The following ARID5B variants were observed in gnomAD, a reference collection of about 807,000 sequenced individuals.
The protein encoded by ARID5B is AT-rich interaction domain 5B.
A neutral mutation model predicts 97.2 loss-of-function variants in ARID5B; 13 were observed. That is an observed-to-expected ratio of 0.13 (90% CI 0.09 to 0.21). The LOEUF is 0.21. Ranked by LOEUF, ARID5B falls within the 10% of genes least tolerant of loss-of-function variation. The probability of loss-of-function intolerance (pLI) is 1.00; values close to 1 mark genes in which losing one functional copy is unlikely to be tolerated. For synonymous variants in ARID5B, 556 were observed against 570.3 expected, an observed-to-expected ratio of 0.97 and a Z score of 0.36; for missense variants, 1,210 against 1,465.3, an observed-to-expected ratio of 0.83 and a Z score of 2.84.
At chr10:62,090,074 G>A (rs1324555045) in intron 9 of ARID5B, among the ~76,000 whole-genome samples, 1 of 152,220 alleles carries the variant, frequency 6.6e-6, no homozygotes, top group Non-Finnish European at 1.5e-5. Context: ...GGTCACATAA[G>A]GAGTGTGTCT....
At chr10:62,068,212 T>A (rs575036964) in intron 7 of ARID5B, among the ~76,000 whole-genome samples, 1 of 152,340 alleles carries the variant, frequency 6.6e-6, no homozygotes, top group African/African-American at 2.4e-5. Flanking sequence ...TTGAAACCAT[T>A]TCTTGTAATC....
intron 4 of ARID5B, among the ~76,000 whole-genome samples, chr10:62,017,896 T>C (rs1839304083): frequency 6.6e-6 from 1 of 152,218 alleles, no homozygotes; most frequent in African/African-American, 2.4e-5. Context: ...AGTGGGCTAT[T>C]TAGAGAAAGT....
intron 3 of ARID5B, among the ~76,000 whole-genome samples, chr10:61,960,728 C>T (rs1182706416): frequency 6.6e-6 from 1 of 152,096 alleles, no homozygotes; most frequent in Non-Finnish European, 1.5e-5. Context: ...ATGAGGGCCC[C>T]CTTCTTTTAA....
intron 4 of ARID5B, among the ~76,000 whole-genome samples, chr10:62,027,157 G>A (rs931352761): frequency 2.0e-5 from 3 of 151,710 alleles, no homozygotes; most frequent in Non-Finnish European, 2.9e-5. Context: ...ATCTCTCCTA[G>A]TCCTTCCTAT....
intron 2 of ARID5B, among the ~76,000 whole-genome samples, chr10:61,938,374 C>T (rs1478309201): frequency 1.3e-5 from 2 of 152,076 alleles, no homozygotes; most frequent in African/African-American, 4.8e-5. Context: ...CAAAATGTTG[C>T]CAAATTCTCT....
At chr10:62,014,329 A>G (rs147997528) in intron 4 of ARID5B, among the ~76,000 whole-genome samples, 97 of 152,330 alleles carry the variant, frequency 6.4e-4, no homozygotes, top group African/African-American at 2.2e-3. Flanking sequence ...GGAAGTTGAC[A>G]AAGTAATTGT....
At chr10:62,060,682 T>C (rs1839910765) in intron 7 of ARID5B, among the ~76,000 whole-genome samples, 2 of 152,210 alleles carry the variant, frequency 1.3e-5, no homozygotes, top group South Asian at 4.1e-4. Context: ...GTTAGTCTCA[T>C]AAACGTAGAA....
chr10:61,993,237 T>C (rs975867523), intron 3 of ARID5B, among the ~76,000 whole-genome samples: 1 of 152,128 alleles, frequency 6.6e-6, no homozygotes, highest in African/African-American at 2.4e-5. Flanking sequence ...GTACTAACTT[T>C]GGGTACTAAG....
At chr10:62,083,947 T>G (rs1840249212) in intron 8 of ARID5B, among the ~76,000 whole-genome samples, 2 of 152,222 alleles carry the variant, frequency 1.3e-5, no homozygotes, top group South Asian at 4.1e-4. Flanking sequence ...TGCTTTTTAT[T>G]ATATAAACAT....
Position 62,050,984 on chromosome 10 carries a change from G to A in ARID5B, c.830G>A (p.Gly277Asp), listed in dbSNP as rs760053508. Reference sequence around the variant, plus strand: ...AAGGATTCCAACAACAATTCCGATGGCAAAGCCGTTGCCAAGGTACGGTCA... The same window carrying A: ...AAGGATTCCAACAACAATTCCGATGACAAAGCCGTTGCCAAGGTACGGTCA... The part of the protein sequence containing the change: ...GVKDSNNNSD[G>D]KAVAKVKCEA... Residue 277 changes from glycine (G) to aspartate (D), a missense_variant, in exon 5 of 10, where the codon GGC (glycine) becomes GAC (aspartate). This residue lies in a region of ARID5B where 132 missense variants were observed against 156.7 expected (regional missense o/e 0.84). Transcript: ENST00000279873. The A allele has an allele frequency of 3.1e-6, 5 of 1,613,814 alleles. No individual in the cohort carries two copies. The African/African-American group carries it at 5.3e-5, about 17-fold the overall frequency.
rs2132986446 is a variant in ARID5B at position 62,091,956 on chromosome 10, C to T, written c.2493C>T (p.Phe831=). Residue 831 remains phenylalanine, a synonymous_variant, in exon 10 of 10, where the codon TTC becomes TTT. Coordinates refer to ENST00000279873, the MANE Select transcript of ARID5B (RefSeq NM_032199.3). ...HSHMPSFLAD[F]YSSPHLHSLY... is the part of the protein sequence containing the mutation. ...ACATGCCTAGCTTCCTGGCTGACTTCTACTCGTCCCCTCATCTCCATAGCC... is the reference window on the plus strand; with the variant it reads ...ACATGCCTAGCTTCCTGGCTGACTTTTACTCGTCCCCTCATCTCCATAGCC... The T allele has an allele frequency of 1.9e-6, 3 of 1,613,536 alleles. No individual in the cohort carries two copies. The highest frequency in any genetic ancestry group is 2.5e-6 in the Non-Finnish European group (3 of 1,179,802).
chr10:61,949,654 C>A (rs1838295895), intron 3 of ARID5B, among the ~76,000 whole-genome samples: 1 of 151,906 alleles, frequency 6.6e-6, no homozygotes. Flanking sequence ...CCCCCCACGC[C>A]CCCACAAAAA....
intron 4 of ARID5B, among the ~76,000 whole-genome samples, chr10:62,029,540 A>G (rs1016367257): frequency 6.6e-6 from 1 of 152,216 alleles, no homozygotes; most frequent in African/African-American, 2.4e-5. Flanking sequence ...GTGCTTATAT[A>G]CTACTTATTA....
intron 2 of ARID5B, among the ~76,000 whole-genome samples, chr10:61,930,853 T>C (rs1180046408): frequency 6.6e-6 from 1 of 152,098 alleles, no homozygotes; most frequent in Non-Finnish European, 1.5e-5. Flanking sequence ...GGGAACTGAG[T>C]ATTAAAGAAC....
chr10:62,090,031 A>G (rs7913907), intron 9 of ARID5B, among the ~76,000 whole-genome samples: 121,290 of 152,172 alleles, frequency 0.8, 49,002 homozygotes, highest in Middle Eastern at 0.93. Context: ...GCAGTAAATG[A>G]GTCGAATTGG....
chr10:62,020,445 T>C (rs755410680), intron 4 of ARID5B, among the ~76,000 whole-genome samples: 1 of 152,204 alleles, frequency 6.6e-6, no homozygotes, highest in African/African-American at 2.4e-5. Context: ...AACTCCTTAA[T>C]TCTTAGTGGA....
chr10:61,938,964 AGTGTGTGT>A (rs60329829), intron 2 of ARID5B, among the ~76,000 whole-genome samples: 26 of 125,192 alleles, frequency 2.1e-4, no homozygotes, highest in Admixed American at 5.9e-4. Context: ...GAATTGGAGA[AGTGTGTGT>A]GTGTGTGTGT....
At chr10:62,038,379 A>G (rs544302901) in intron 4 of ARID5B, among the ~76,000 whole-genome samples, 3 of 151,966 alleles carry the variant, frequency 2.0e-5, no homozygotes, top group Non-Finnish European at 2.9e-5. Flanking sequence ...TTAAAAAAAA[A>G]AAAAGAAAAG....
chr10:61,922,739 T>C (rs574566587), intron 2 of ARID5B, among the ~76,000 whole-genome samples: 14 of 152,268 alleles, frequency 9.2e-5, no homozygotes, highest in Non-Finnish European at 1.8e-4. Context: ...CTCATGAGTG[T>C]ATCTACAAGA....
Sources: gnomAD v4.1 joint callset for allele counts (sites outside exome capture counted in the v4.1 genomes callset) on GRCh38, gnomAD v4.1.1 for gene constraint, gnomAD v4.1.1 regional missense constraint, MANE v1.5 for transcripts, NCBI Gene and HGNC (gene_info 2026-07-23, HGNC 2026-07-21) for gene names.